RAPGEF4: variants seen among roughly 807,000 people sequenced by gnomAD.
RAPGEF4 encodes RAP guanine-nucleotide-exchange factor (GEF) 4.
A neutral mutation model predicts 147.9 loss-of-function variants in RAPGEF4; 66 were observed. The observed-to-expected ratio is 0.45, with a 90% CI of 0.37 to 0.55. RAPGEF4 has a LOEUF of 0.55. Among genes scored for constraint, RAPGEF4 ranks in the 20% least tolerant of loss-of-function variants. RAPGEF4 has a pLI of 0.00. For synonymous variants in RAPGEF4, 419 were observed against 442.7 expected, an observed-to-expected ratio of 0.95 and a Z score of 0.67; for missense variants, 1,071 against 1,257.3, an observed-to-expected ratio of 0.85 and a Z score of 2.24.
chr2:172,934,389 G>A (rs1273072269), intron 6 of RAPGEF4, among the ~76,000 whole-genome samples: 2 of 151,842 alleles, frequency 1.3e-5, no homozygotes, highest in African/African-American at 2.4e-5. Flanking sequence ...GACCTCAGGC[G>A]ATCCACCTGC....
rs191085988 is a variant in RAPGEF4, at chr2:172,826,090, G to A, written c.444+11665G>A. Among the ~76,000 whole-genome samples the A allele has an allele frequency of 5.8e-4, 89 of 152,238 alleles. 1 individual carries two copies. The highest frequency in any genetic ancestry group is 3.4e-3 in the Middle Eastern group (1 of 294). ...GGTCATCCCTTCCACTCCTCTAGCCGTTGGGTGTCTGTGAAGATCCCAGCG... is the reference window on the plus strand; with the variant it reads ...GGTCATCCCTTCCACTCCTCTAGCCATTGGGTGTCTGTGAAGATCCCAGCG... On this transcript the variant is annotated intron_variant, in intron 4 of 30. Coordinates refer to ENST00000397081, the MANE Select transcript of RAPGEF4 (RefSeq NM_007023.4).
intron 17 of RAPGEF4, among the ~76,000 whole-genome samples, chr2:173,013,653 A>G (rs1028336813): frequency 6.6e-6 from 1 of 152,218 alleles, no homozygotes; most frequent in African/African-American, 2.4e-5. Context: ...CTCTTGGCAC[A>G]TAGGAGACTC....
At chr2:172,749,089 G>A (rs1319211799) in intron 1 of RAPGEF4, among the ~76,000 whole-genome samples, 2 of 152,214 alleles carry the variant, frequency 1.3e-5, no homozygotes, top group Non-Finnish European at 2.9e-5. Context: ...GCTTTTAGGG[G>A]CTGATGTTGA....
intron 6 of RAPGEF4, among the ~76,000 whole-genome samples, chr2:172,935,453 A>G (rs1686461855): frequency 6.6e-6 from 1 of 152,142 alleles, no homozygotes; most frequent in Admixed American, 6.5e-5. Flanking sequence ...CAGAAGGAGG[A>G]GGAATGATGG....
chr2:172,962,615 A>G (rs1689411287), intron 8 of RAPGEF4, among the ~76,000 whole-genome samples: 1 of 151,888 alleles, frequency 6.6e-6, no homozygotes, highest in Non-Finnish European at 1.5e-5. Flanking sequence ...TTCTGCTTGC[A>G]TTTGGCATGA....
chr2:173,030,373 C>A, intron 26 of RAPGEF4, 119 bp downstream of exon 26: 3 of 782,272 alleles, frequency 3.8e-6, no homozygotes, highest in Non-Finnish European at 4.2e-6. Context: ...AAAGGTGGGA[C>A]ACTTGGAGGG....
chr2:173,012,936 A>G (rs1695160037), intron 17 of RAPGEF4, among the ~76,000 whole-genome samples: 1 of 152,270 alleles, frequency 6.6e-6, no homozygotes, highest in South Asian at 2.1e-4. Flanking sequence ...CATGCAAGCA[A>G]GAGACCAAAG....
At chr2:173,018,614 C>G in intron 21 of RAPGEF4, 42 bp from the exon 22 acceptor site, 1 of 1,577,196 alleles carries the variant, frequency 6.3e-7, no homozygotes, top group Non-Finnish European at 8.6e-7. Flanking sequence ...TTATTGAAAA[C>G]TCTTAAGAGT....
chr2:172,826,407 G>C (rs545094815), intron 4 of RAPGEF4, among the ~76,000 whole-genome samples: 85 of 152,108 alleles, frequency 5.6e-4, no homozygotes, highest in African/African-American at 1.6e-3. Flanking sequence ...ATTTGTTATG[G>C]GTTTTAGTTT....
At chr2:172,903,368 C>CAAAA (rs10712221) in intron 4 of RAPGEF4, among the ~76,000 whole-genome samples, 7 of 82,652 alleles carry the variant, frequency 8.5e-5, no homozygotes, top group Admixed American at 4.5e-4. Flanking sequence ...GACTCCATCT[C>CAAAA]AAAAAAAAAA....
intron 4 of RAPGEF4, among the ~76,000 whole-genome samples, chr2:172,843,769 A>G (rs1691871345): frequency 6.6e-6 from 1 of 152,178 alleles, no homozygotes; most frequent in African/African-American, 2.4e-5. Flanking sequence ...AATTTCATGG[A>G]TGAGAATAGC....
At chr2:173,036,820 G>A (rs369266265) in intron 29 of RAPGEF4, 128 bp downstream of exon 29, 39 of 585,066 alleles carry the variant, frequency 6.7e-5, no homozygotes, top group East Asian at 2.0e-4. Flanking sequence ...AAGGAGTTTT[G>A]AAATATTTGG....
At chr2:172,803,438 G>C (rs1320300772) in intron 3 of RAPGEF4, among the ~76,000 whole-genome samples, 2 of 152,324 alleles carry the variant, frequency 1.3e-5, no homozygotes, top group East Asian at 3.9e-4. Context: ...TTTTGGTCAT[G>C]GCTGGAGTGG....
intron 6 of RAPGEF4, among the ~76,000 whole-genome samples, chr2:172,959,077 C>A (rs914667202): frequency 6.6e-6 from 1 of 152,132 alleles, no homozygotes; most frequent in East Asian, 1.9e-4. Context: ...TAGTACAAAG[C>A]GTAATAATCT....
chr2:172,735,727 G>A (rs1693680724), upstream of RAPGEF4: 2 of 164,828 alleles, frequency 1.2e-5, no homozygotes, highest in South Asian at 2.0e-4. Flanking sequence ...CCACCCACGG[G>A]CGCCGCAGTG....
intron 1 of RAPGEF4, among the ~76,000 whole-genome samples, chr2:172,780,416 G>A (rs558058504): frequency 3.7e-4 from 57 of 152,314 alleles, no homozygotes; most frequent in Middle Eastern, 3.4e-3. Flanking sequence ...AGGCTAGTTA[G>A]CAAAGTTTGT....
intron 20 of RAPGEF4, 59 bp downstream of exon 20, chr2:173,017,263 A>G: frequency 6.4e-7 from 1 of 1,555,172 alleles, no homozygotes; most frequent in Non-Finnish European, 8.9e-7. Flanking sequence ...ATTCCCCAGA[A>G]ATATTATATT....
chr2:173,026,879 C>G (rs1470783560), intron 24 of RAPGEF4, among the ~76,000 whole-genome samples, 182 bp downstream of exon 24: 1 of 152,136 alleles, frequency 6.6e-6, no homozygotes, highest in East Asian at 1.9e-4. Flanking sequence ...AAAATCTTTA[C>G]AGTATGCCGT....
chr2:172,782,080 A>G (rs759920960), intron 1 of RAPGEF4, among the ~76,000 whole-genome samples: 124 of 152,270 alleles, frequency 8.1e-4, no homozygotes, highest in Non-Finnish European at 1.5e-3. Context: ...ACACCTGGGG[A>G]GGTGGCAAGA....
Sources: gnomAD v4.1 joint callset for allele counts (sites outside exome capture counted in the v4.1 genomes callset) on GRCh38, gnomAD v4.1.1 for gene constraint, MANE v1.5 for transcripts, NCBI Gene and HGNC (gene_info 2026-07-23, HGNC 2026-07-21) for gene names.